The following SLA variants were observed in gnomAD, a reference collection of about 807,000 sequenced individuals.
SLA encodes Src like adaptor, also known as src-like-adapter.
Under a neutral mutation model 30.3 loss-of-function variants are expected in SLA, and 16 were observed. The observed-to-expected ratio is 0.53, with a 90% confidence interval of 0.36 to 0.80. The LOEUF is 0.80. Ranked by LOEUF, SLA falls within the 30% of genes least tolerant of loss-of-function variation. SLA has a pLI of 0.01. For synonymous variants in SLA, 143 were observed against 137.8 expected (o/e 1.04, Z -0.26); for missense variants, 310 against 345.2 (o/e 0.90, Z 0.81).
rs1554706022 is a variant in SLA, at chr8:133,039,952, T to TGCAC, written c.617+42_617+45dup. The stretch of plus-strand genomic sequence containing the variant: ...CTCACATGTTCACAGAGCACTTGCA[T>TGCAC]GCACACACACACACACACACACACA... On this transcript the variant is annotated intron_variant, in intron 8 of 8. Transcript: ENST00000338087. 6 of 1,076,612 alleles carry TGCAC rather than the reference T, an allele frequency of 5.6e-6. No homozygotes were observed. In the African/African-American group the frequency reaches 8.9e-5, roughly 16 times the overall value. The allele number at this position is 1,076,612 out of a possible 1,614,324, so 66.7% of individuals were successfully genotyped here.
chr8:133,038,885 T>C (rs1274025175), intron 8 of SLA, 148 bp from the exon 9 acceptor site: 8 of 599,954 alleles, frequency 1.3e-5, no homozygotes, highest in Non-Finnish European at 2.0e-5. Flanking sequence ...TTATTTTTCT[T>C]TATTTATTTT....
At chr8:133,096,885 T>C (rs4736432) in intron 1 of SLA, among the ~76,000 whole-genome samples, 101,798 of 152,112 alleles carry the variant, frequency 0.67, 34,657 homozygotes, top group Middle Eastern at 0.75. Context: ...GGAGGCACAG[T>C]GAAGTGGGAG....
intron 3 of SLA, among the ~76,000 whole-genome samples, chr8:133,052,297 G>T (rs1263198777): frequency 2.0e-5 from 3 of 152,240 alleles, no homozygotes; most frequent in African/African-American, 7.2e-5. Flanking sequence ...AGTAATCACG[G>T]TGGAACAGTG....
intron 1 of SLA, chr8:133,096,481 C>T: frequency 7.5e-7 from 1 of 1,337,272 alleles, no homozygotes; most frequent in Non-Finnish European, 1.1e-6. Context: ...TGAGTAACTA[C>T]TGTGTGCAAT....
At chr8:133,067,828 GAGAGAGAGAGAGAC>G (rs1843252098) in intron 2 of SLA, among the ~76,000 whole-genome samples, 1 of 150,020 alleles carries the variant, frequency 6.7e-6, no homozygotes, top group South Asian at 2.1e-4. Flanking sequence ...AAGGAAGGGG[GAGAGAGAGAGAGAC>G]AGAGAGAGAG....
chr8:133,050,468 T>TTCC (rs1397725309), intron 4 of SLA: 2 of 253,978 alleles, frequency 7.9e-6, no homozygotes, highest in African/African-American at 4.5e-5. Flanking sequence ...TCCGAAGGAT[T>TTCC]TCCAGACCCT....
chr8:133,069,414 A>C (rs1343490852), intron 2 of SLA, among the ~76,000 whole-genome samples: 1 of 152,184 alleles, frequency 6.6e-6, no homozygotes, highest in Non-Finnish European at 1.5e-5. Flanking sequence ...CACACTCTAC[A>C]GCTCCCAGGC....
At chr8:133,076,384 C>T (rs1164405511) in intron 1 of SLA, among the ~76,000 whole-genome samples, 2 of 152,224 alleles carry the variant, frequency 1.3e-5, no homozygotes, top group African/African-American at 4.8e-5. Flanking sequence ...ACCCTCAGGG[C>T]TGCTTCTAAA....
intron 3 of SLA, among the ~76,000 whole-genome samples, chr8:133,056,436 A>G (rs1423577645): frequency 6.6e-6 from 1 of 152,192 alleles, no homozygotes; most frequent in African/African-American, 2.4e-5. Flanking sequence ...TCTGGGGGCC[A>G]GGCACATTCT....
At chr8:133,082,525 G>A (rs1262586129) in intron 1 of SLA, among the ~76,000 whole-genome samples, 2 of 152,194 alleles carry the variant, frequency 1.3e-5, no homozygotes, top group East Asian at 3.8e-4. Context: ...TAATCGACTA[G>A]CTTGCTGCAG....
At position 133,038,471 on chromosome 8, in the gene SLA, A is replaced by G. The variant is rs1837488316; in HGVS notation, c.*53T>C. ...CCTCGCTTTTCGCAAGATCCCAGGC[A>G]ATAGTTGGAACTTCTGTTCCTTTTG... On this transcript the variant is annotated 3_prime_UTR_variant, in exon 9 of 9. Coordinates refer to ENST00000338087, the MANE Select transcript of SLA (RefSeq NM_001045556.3). 1.4e-6 allele frequency: 2 copies of G among 1,393,620 alleles called. No individual in the cohort carries two copies. The highest frequency in any genetic ancestry group is 2.3e-5 in the East Asian group (1 of 43,802). The allele number at this position is 1,393,620 out of a possible 1,614,324, so 86.3% of individuals were successfully genotyped here.
At chr8:133,051,722 T>C (rs1840447667) in intron 3 of SLA, among the ~76,000 whole-genome samples, 1 of 152,224 alleles carries the variant, frequency 6.6e-6, no homozygotes, top group African/African-American at 2.4e-5. Flanking sequence ...CTTCTATCCT[T>C]AGTGATTTGA....
intron 8 of SLA, among the ~76,000 whole-genome samples, chr8:133,039,619 G>A (rs1394520385): frequency 6.6e-6 from 1 of 152,170 alleles, no homozygotes; most frequent in African/African-American, 2.4e-5. Context: ...ATGTGTTTAA[G>A]CTTTGTGAGT....
intron 1 of SLA, among the ~76,000 whole-genome samples, chr8:133,083,521 T>A (rs1846052913): frequency 6.6e-6 from 1 of 152,172 alleles, no homozygotes; most frequent in African/African-American, 2.4e-5. Context: ...TCTGGGCTGA[T>A]GGACCCCATG....
At chr8:133,050,541 A>G (rs796708264) in intron 4 of SLA, 6 of 359,892 alleles carry the variant, frequency 1.7e-5, no homozygotes, top group African/African-American at 1.0e-4. Flanking sequence ...GGTGGGAGAT[A>G]AGAAGAATAT....
At chr8:133,056,114 G>A (rs1456748503) in intron 3 of SLA, among the ~76,000 whole-genome samples, 1 of 152,074 alleles carries the variant, frequency 6.6e-6, no homozygotes, top group Non-Finnish European at 1.5e-5. Context: ...AACCACTCAG[G>A]TCTCCTTTGA....
intron 1 of SLA, among the ~76,000 whole-genome samples, chr8:133,099,171 AG>A (rs1371827631): frequency 6.6e-6 from 1 of 152,258 alleles, no homozygotes; most frequent in Non-Finnish European, 1.5e-5. Context: ...AGCCTCTCTA[AG>A]GGCACAGCAG....
intron 3 of SLA, among the ~76,000 whole-genome samples, chr8:133,056,080 C>A (rs1425475726): frequency 6.6e-6 from 1 of 152,142 alleles, no homozygotes; most frequent in Non-Finnish European, 1.5e-5. Flanking sequence ...TCTCCCTGGG[C>A]AGGGCAGGGC....
At chr8:133,101,879 C>T (rs1399452800) in intron 1 of SLA, among the ~76,000 whole-genome samples, 1 of 152,196 alleles carries the variant, frequency 6.6e-6, no homozygotes, top group Non-Finnish European at 1.5e-5. Flanking sequence ...CTGACCAGGA[C>T]CCCGCTCCCT....
Sources: allele counts gnomAD v4.1 joint callset (sites outside exome capture counted in the v4.1 genomes callset), GRCh38; gene constraint gnomAD v4.1.1; transcripts MANE v1.5; gene names NCBI Gene and HGNC (gene_info 2026-07-23, HGNC 2026-07-21).